Variants in VWA3B observed in about 807,000 individuals in gnomAD.
VWA3B encodes the protein von Willebrand factor A domain-containing protein 3B.
Under a neutral mutation model 158.3 loss-of-function variants are expected in VWA3B, and 138 were observed. The ratio of observed to expected loss-of-function variants is 0.87; its 90% CI spans 0.76 to 1.00. The LOEUF (loss-of-function observed/expected upper bound fraction) is 1.00, where lower values mean the gene tolerates loss of function less well. Ranked by LOEUF, VWA3B falls within the 50% of genes least tolerant of loss-of-function variation. VWA3B has a pLI of 0.00. For missense variants in VWA3B, 1,555 were observed against 1,565.1 expected, an observed-to-expected ratio of 0.99 and a Z score of 0.11; for synonymous variants, 596 against 587.3, an observed-to-expected ratio of 1.01 and a Z score of -0.21.
intron 3 of VWA3B, 145 bp from the exon 4 acceptor site, chr2:98,119,368 C>T (rs1674776767): frequency 2.2e-6 from 2 of 894,860 alleles, no homozygotes. Context: ...TGTTGAAAGA[C>T]TGGAACCTTT....
intron 22 of VWA3B, among the ~76,000 whole-genome samples, chr2:98,283,086 G>A (rs773481830): frequency 6.6e-6 from 1 of 152,224 alleles, no homozygotes; most frequent in Non-Finnish European, 1.5e-5. Flanking sequence ...AATCTCCTCG[G>A]TTAGCTTCTG....
intron 9 of VWA3B, among the ~76,000 whole-genome samples, chr2:98,184,574 G>T (rs1235094988): frequency 6.6e-6 from 1 of 152,228 alleles, no homozygotes. Flanking sequence ...ATGCGGCTCT[G>T]AACATCCCTT....
chr2:98,185,517 A>G (rs764002724), intron 9 of VWA3B, among the ~76,000 whole-genome samples: 18 of 152,214 alleles, frequency 1.2e-4, no homozygotes, highest in Non-Finnish European at 2.1e-4. Flanking sequence ...TGTGCTGCCT[A>G]GCAGTCCACT....
At chr2:98,188,495 C>T (rs979647091) in intron 10 of VWA3B, among the ~76,000 whole-genome samples, 3 of 152,158 alleles carry the variant, frequency 2.0e-5, no homozygotes, top group Non-Finnish European at 4.4e-5. Context: ...CCTCCCTATC[C>T]TCTCTCCCTA....
At chr2:98,274,196 T>C (rs1688381884) in intron 22 of VWA3B, among the ~76,000 whole-genome samples, 1 of 152,154 alleles carries the variant, frequency 6.6e-6, no homozygotes, top group South Asian at 2.1e-4. Context: ...GTTGAATGCA[T>C]GGGCCCAGCC....
intron 7 of VWA3B, among the ~76,000 whole-genome samples, chr2:98,142,444 T>C (rs1363193471): frequency 6.6e-6 from 1 of 152,200 alleles, no homozygotes; most frequent in Non-Finnish European, 1.5e-5. Context: ...CTACCTGCTT[T>C]GTAAACCGTA....
chr2:98,269,027 C>A (rs937319650), intron 21 of VWA3B, among the ~76,000 whole-genome samples: 1 of 152,106 alleles, frequency 6.6e-6, no homozygotes, highest in African/African-American at 2.4e-5. Flanking sequence ...CAGGACTGGT[C>A]AAGAATATAT....
rs371991565 is a variant in VWA3B, at chr2:98,146,114, T to C, written c.988+12175T>C. On this transcript the variant is annotated intron_variant, in intron 7 of 27. Coordinates refer to ENST00000477737, the MANE Select transcript of VWA3B (RefSeq NM_144992.5). Reference sequence around the variant, plus strand: ...TTTGAGTTCTTGAATTTCTGCTTTGTGTTCTTTCCTCAGGGAGATGATGGC... The same window carrying C: ...TTTGAGTTCTTGAATTTCTGCTTTGCGTTCTTTCCTCAGGGAGATGATGGC... 2.6e-4 allele frequency among the ~76,000 whole-genome samples: 40 copies of C among 152,314 alleles called. 1 individual carries two copies. The highest frequency in any genetic ancestry group is 9.4e-4 in the African/African-American group (39 of 41,568).
At chr2:98,176,370 A>C (rs1202971533) in intron 8 of VWA3B, among the ~76,000 whole-genome samples, 1 of 132,840 alleles carries the variant, frequency 7.5e-6, no homozygotes, top group Non-Finnish European at 1.5e-5. Context: ...CAGGTCACTC[A>C]GTCTAAATTT....
chr2:98,329,409 G>A, the VWA3B span, among the ~76,000 whole-genome samples: 27 of 152,044 alleles, frequency 1.8e-4, no homozygotes, highest in African/African-American at 4.4e-4. Flanking sequence ...AACCACAGAC[G>A]GAGAGAAAAT....
At chr2:98,294,835 G>A (rs1341831577) in intron 23 of VWA3B, among the ~76,000 whole-genome samples, 2 of 152,174 alleles carry the variant, frequency 1.3e-5, no homozygotes, top group African/African-American at 2.4e-5. Flanking sequence ...CTGGCCACAC[G>A]ACTGCAATCA....
intron 13 of VWA3B, among the ~76,000 whole-genome samples, chr2:98,215,313 C>T (rs1010774649): frequency 2.6e-5 from 4 of 151,170 alleles, no homozygotes; most frequent in African/African-American, 9.7e-5. Context: ...TGGTGGCGTG[C>T]GCCTGTAGTC....
intron 7 of VWA3B, among the ~76,000 whole-genome samples, chr2:98,161,411 A>T (rs1678566689): frequency 6.6e-6 from 1 of 152,188 alleles, no homozygotes; most frequent in Non-Finnish European, 1.5e-5. Flanking sequence ...GCCTCGAAGG[A>T]ACTGACTCCA....
chr2:98,260,376 T>C (rs992654676), intron 21 of VWA3B, among the ~76,000 whole-genome samples: 1 of 151,644 alleles, frequency 6.6e-6, no homozygotes, highest in African/African-American at 2.4e-5. Context: ...TCTGCATCCA[T>C]GATTCAGCCA....
downstream of VWA3B, among the ~76,000 whole-genome samples, chr2:98,317,274 G>C (rs566135921): frequency 6.6e-6 from 1 of 152,032 alleles, no homozygotes; most frequent in African/African-American, 2.4e-5. Flanking sequence ...AACAGCAAAC[G>C]TTTTATGAGG....
intron 25 of VWA3B, among the ~76,000 whole-genome samples, chr2:98,303,480 T>C (rs897602253): frequency 2.0e-5 from 3 of 151,608 alleles, no homozygotes; most frequent in African/African-American, 4.9e-5. Flanking sequence ...CATTTGGCAA[T>C]TGATCCAGAA....
chr2:98,317,490 C>T (rs934704087), downstream of VWA3B, among the ~76,000 whole-genome samples: 3 of 152,140 alleles, frequency 2.0e-5, no homozygotes, highest in East Asian at 3.8e-4. Flanking sequence ...TGATAAGAAA[C>T]ATTTACAATC....
At chr2:98,254,128 G>A (rs1043375633) in intron 20 of VWA3B, among the ~76,000 whole-genome samples, 2 of 152,154 alleles carry the variant, frequency 1.3e-5, no homozygotes, top group African/African-American at 4.8e-5. Flanking sequence ...TTCAGAACCT[G>A]GAGGGAATAA....
In VWA3B at chr2:98,290,623, G is replaced by A. The variant is rs987448370; in HGVS notation, c.3157+1G>A. On this transcript the variant is annotated splice_donor_variant, in intron 23 of 27. Transcript: ENST00000477737. LOFTEE classifies it high-confidence loss of function. ...GATGAAAATGGCTTTTATTTTCCAGGTAGTTTTTTTTTTTTTAATTTCGTG... is the reference window on the plus strand; with the variant it reads ...GATGAAAATGGCTTTTATTTTCCAGATAGTTTTTTTTTTTTTAATTTCGTG... The A allele has an allele frequency of 2.5e-6, 4 of 1,577,432 alleles. No individual in the cohort carries two copies. The African/African-American group carries it at 4.1e-5, about 16-fold the overall frequency.
Sources: gnomAD v4.1 joint callset for allele counts (sites outside exome capture counted in the v4.1 genomes callset) on GRCh38, gnomAD v4.1.1 for gene constraint, MANE v1.5 for transcripts, NCBI Gene and HGNC (gene_info 2026-07-23, HGNC 2026-07-21) for gene names.